The following NPC1 variants were observed in gnomAD, a reference collection of about 807,000 sequenced individuals.
The protein encoded by NPC1 is Niemann-Pick C1 protein.
NPC1 carries 85 observed loss-of-function variants against 140.4 expected under a neutral mutation model. The ratio of observed to expected loss-of-function variants is 0.61; its 90% CI spans 0.51 to 0.72. The LOEUF (loss-of-function observed/expected upper bound fraction) is 0.72, where lower values mean the gene tolerates loss of function less well. Ranked by LOEUF, NPC1 falls within the 30% of genes least tolerant of loss-of-function variation. The pLI, the probability that NPC1 is intolerant of heterozygous loss-of-function variation, is 0.00. For synonymous variants in NPC1, 656 were observed against 624.8 expected, an observed-to-expected ratio of 1.05 and a Z score of -0.74; for missense variants, 1,504 against 1,623.8, an observed-to-expected ratio of 0.93 and a Z score of 1.27.
chr18:23,526,012 G>C (rs957999823), downstream of NPC1, among the ~76,000 whole-genome samples: 2 of 152,176 alleles, frequency 1.3e-5, no homozygotes, highest in African/African-American at 4.8e-5. Context: ...TCTCGCTGGT[G>C]TTTTCCTGTA....
chr18:23,530,165 G>A, downstream of NPC1: 3 of 1,613,692 alleles, frequency 1.9e-6, no homozygotes, highest in Non-Finnish European at 2.5e-6. Context: ...TTCCATTGTG[G>A]TTAAAAATGG....
At chr18:23,571,944 TATATAATATAC>T (rs2059210138) in intron 3 of NPC1, 119 bp downstream of exon 3, 1 of 316,686 alleles carries the variant, frequency 3.2e-6, no homozygotes, top group Non-Finnish European at 5.8e-6. Flanking sequence ...TATGTATAAA[TATATAATATAC>T]ATATAATATA....
At chr18:23,531,334 T>A, downstream of NPC1, 1 of 347,846 alleles carries the variant, frequency 2.9e-6, no homozygotes, top group Non-Finnish European at 5.0e-6. Context: ...ACCTAAGACA[T>A]CATCTTTAGG....
chr18:23,539,171 C>G (rs1017741180), intron 19 of NPC1, among the ~76,000 whole-genome samples, 184 bp downstream of exon 19: 1 of 152,178 alleles, frequency 6.6e-6, no homozygotes, highest in Non-Finnish European at 1.5e-5. Flanking sequence ...CCGAGGGTGG[C>G]TGTCTGAGCC....
downstream of NPC1, among the ~76,000 whole-genome samples, chr18:23,521,496 A>G (rs1422091419): frequency 6.6e-6 from 1 of 152,166 alleles, no homozygotes; most frequent in Non-Finnish European, 1.5e-5. Context: ...CAGTCACAGT[A>G]AGTGCTTCGG....
rs1054413628 is a variant in NPC1, at chr18:23,546,673, G to C, written c.1757+1333C>G. Among the ~76,000 whole-genome samples, 6 of 152,296 alleles carry C rather than the reference G, an allele frequency of 3.9e-5. No homozygotes were observed. In the East Asian group the frequency reaches 1.2e-3, roughly 29 times the overall value. On this transcript the variant is annotated intron_variant, in intron 11 of 24. Coordinates refer to ENST00000269228, the MANE Select transcript of NPC1 (RefSeq NM_000271.5). ...TATATCCATACAATGGAATGAAAAG[G>C]AATGGAGTACTGATACATGCCACAA...
At chr18:23,507,088 G>T in intron 3 of NPC1, 6 of 1,396,552 alleles carry the variant, frequency 4.3e-6, no homozygotes, top group Non-Finnish European at 6.0e-6. Context: ...GCATTAAAGG[G>T]CATTAGAAAT....
Position 23,586,468 on chromosome 18 carries a change from G to T in NPC1, c.-125C>A. Reference sequence around the variant, plus strand: ...GAGGAGCGGAGGAGCAGGAGCAGGCGCTGACCGCGGCAGCAGGCTGCGCGC... The same window carrying T: ...GAGGAGCGGAGGAGCAGGAGCAGGCTCTGACCGCGGCAGCAGGCTGCGCGC... On this transcript the variant is annotated 5_prime_UTR_variant, in exon 1 of 25. Coordinates refer to ENST00000269228, the MANE Select transcript of NPC1 (RefSeq NM_000271.5). 3.4e-6 allele frequency: 5 copies of T among 1,458,772 alleles called. No homozygotes were observed. The highest frequency in any genetic ancestry group is 4.5e-6 in the Non-Finnish European group (5 of 1,112,354). The allele number at this position is 1,458,772 out of a possible 1,614,324, so 90.4% of individuals were successfully genotyped here.
At chr18:23,533,200 T>A in intron 24 of NPC1, 155 bp downstream of exon 24, 1 of 892,726 alleles carries the variant, frequency 1.1e-6, no homozygotes, top group East Asian at 2.7e-5. Context: ...GGATGGGTTT[T>A]TTCTTTTAGA....
chr18:23,518,841 G>C (rs878952512), downstream of NPC1: 2 of 1,551,652 alleles, frequency 1.3e-6, no homozygotes, highest in South Asian at 2.2e-5. Context: ...TAGAACAAAG[G>C]AATTTTGAAT....
chr18:23,512,990 G>C (rs2057903270), intron 3 of NPC1, among the ~76,000 whole-genome samples: 1 of 151,794 alleles, frequency 6.6e-6, no homozygotes, highest in South Asian at 2.1e-4. Flanking sequence ...GTCTTGCTCT[G>C]TTGCCCAGGC....
Position 23,540,150 on chromosome 18 carries a change from C to T in NPC1, c.2605-149G>A, listed in dbSNP as rs113027965. 2,686 of 739,644 alleles carry T rather than the reference C, an allele frequency of 3.6e-3. 49 individuals are homozygous for T. In the African/African-American group the frequency reaches 0.041, roughly 11 times the overall value. The allele number at this position is 739,644 out of a possible 1,614,324, so 45.8% of individuals were successfully genotyped here. A position where few individuals can be genotyped will look rare whatever the true frequency, so the allele number is the denominator to read the frequency against. ...CATGATTCCTAACACCACCAGTCTT[C>T]CCCCCAGGGCCCCAGGGTGCTCCTC... On this transcript the variant is annotated intron_variant, in intron 17 of 24. Coordinates refer to ENST00000269228, the MANE Select transcript of NPC1 (RefSeq NM_000271.5).
chr18:23,509,566 A>AT (rs1220934050), intron 3 of NPC1: 1 of 160,918 alleles, frequency 6.2e-6, no homozygotes, highest in Admixed American at 6.5e-5. Flanking sequence ...ATTTTATTTT[A>AT]TTTTATTTTT....
chr18:23,564,110 G>A (rs886444740), intron 4 of NPC1, among the ~76,000 whole-genome samples: 2 of 146,054 alleles, frequency 1.4e-5, no homozygotes, highest in East Asian at 2.1e-4. Context: ...TCAGCCTCCT[G>A]AGTAGCTGGG....
At chr18:23,516,473 T>C (rs772163414) in intron 3 of NPC1, 9 of 1,573,508 alleles carry the variant, frequency 5.7e-6, no homozygotes, top group Non-Finnish European at 7.9e-6. Context: ...TTCAGTAATA[T>C]AAATAATAGA....
intron 3 of NPC1, chr18:23,508,190 T>C: frequency 1.6e-6 from 1 of 639,500 alleles, no homozygotes; most frequent in Non-Finnish European, 2.5e-6. Context: ...TCAGGCGGGG[T>C]GTTTGCTTTG....
At chr18:23,573,162 G>A (rs1392087136) in intron 2 of NPC1, among the ~76,000 whole-genome samples, 1 of 152,206 alleles carries the variant, frequency 6.6e-6, no homozygotes, top group Non-Finnish European at 1.5e-5. Flanking sequence ...ATATTTTGCA[G>A]ATGCTGCAAG....
intron 1 of NPC1, chr18:23,524,145 C>A: frequency 6.2e-7 from 1 of 1,614,088 alleles, no homozygotes; most frequent in Non-Finnish European, 8.5e-7. Context: ...GCTGCCGTGA[C>A]CAGCCAGTCT....
chr18:23,545,502 C>T (rs2058776866), intron 11 of NPC1, among the ~76,000 whole-genome samples: 1 of 152,238 alleles, frequency 6.6e-6, no homozygotes, highest in Non-Finnish European at 1.5e-5. Context: ...CTCAGCCTCC[C>T]CAAAGCGCTG....
Sources: gnomAD v4.1 joint callset for allele counts (sites outside exome capture counted in the v4.1 genomes callset) on GRCh38, gnomAD v4.1.1 for gene constraint, MANE v1.5 for transcripts, NCBI Gene and HGNC (gene_info 2026-07-23, HGNC 2026-07-21) for gene names.